SCP2: variants seen among roughly 807,000 people sequenced by gnomAD.
The protein encoded by SCP2 is sterol carrier protein 2.
SCP2 carries 48 observed loss-of-function variants against 71.4 expected under a neutral mutation model. The ratio of observed to expected loss-of-function variants is 0.67; its 90% CI spans 0.53 to 0.86. The LOEUF is 0.86. Ranked by LOEUF, SCP2 falls within the 40% of genes least tolerant of loss-of-function variation. SCP2 has a pLI of 0.00. For missense variants in SCP2, 560 were observed against 655.6 expected (o/e 0.85, Z 1.59); for synonymous variants, 220 against 218.1 (o/e 1.01, Z -0.08).
chr1:52,942,348 T>TG (rs1654331457), intron 2 of SCP2, among the ~76,000 whole-genome samples: 1 of 152,202 alleles, frequency 6.6e-6, no homozygotes, highest in Non-Finnish European at 1.5e-5. Flanking sequence ...TTTATTATAA[T>TG]GAGTATTAGT....
At chr1:52,961,066 CTTTT>C (rs774047289) in intron 5 of SCP2, among the ~76,000 whole-genome samples, 1 of 92,194 alleles carries the variant, frequency 1.1e-5, no homozygotes, top group Non-Finnish European at 2.3e-5. Flanking sequence ...TCCTTTGGTT[CTTTT>C]TTTTTTTTTT....
Position 53,015,006 on chromosome 1 carries a change from G to C in SCP2, c.1198G>C (p.Val400Leu). The change falls in exon 12 of 16, where the codon GTA becomes CTA. Residue 400 changes from valine to leucine, a missense_variant. Physicochemically the swap from Val to Leu is conservative, Grantham distance 32. Coordinates refer to ENST00000371514, the MANE Select transcript of SCP2 (RefSeq NM_002979.5). Reference protein sequence around the residue: ...HNLGIGGAVVVTLYKMGFPEA... With the variant: ...HNLGIGGAVVLTLYKMGFPEA... ...TTTAGGCATTGGAGGAGCTGTGGTTGTAACACTCTACAAGATGGGTTTTCC... is the reference window on the plus strand; with the variant it reads ...TTTAGGCATTGGAGGAGCTGTGGTTCTAACACTCTACAAGATGGGTTTTCC... 1 of 1,614,142 alleles carries C rather than the reference G, an allele frequency of 6.2e-7. No homozygotes were observed. The highest frequency in any genetic ancestry group is 1.7e-5 in the Admixed American group (1 of 60,012).
At position 52,974,289 on chromosome 1, in the gene SCP2, G is replaced by A. The variant is rs527280154; in HGVS notation, c.524-480G>A. 2.6e-5 allele frequency among the ~76,000 whole-genome samples: 4 copies of A among 152,088 alleles called. No homozygotes were observed. In the East Asian group the frequency reaches 7.7e-4, roughly 29 times the overall value. On this transcript the variant is annotated intron_variant, in intron 6 of 15. Transcript: ENST00000371514. ...AATTTTCTGTTAAGGAATTTAAAAG[G>A]CATACATATTTCTTATCAGGATATA...
At chr1:53,047,373 G>A (rs912526091) in intron 14 of SCP2, among the ~76,000 whole-genome samples, 19 of 152,192 alleles carry the variant, frequency 1.2e-4, no homozygotes, top group Admixed American at 7.9e-4. Flanking sequence ...TGGAAGGAAG[G>A]GGATGTACAC....
rs867178628 is a variant in SCP2, at chr1:53,005,161, G to A, written c.1082-9729G>A. On this transcript the variant is annotated intron_variant, in intron 11 of 15. Coordinates refer to ENST00000371514, the MANE Select transcript of SCP2 (RefSeq NM_002979.5). ...TGGGTGGAGCCCATCGCAGCTCAAC[G>A]AGGCCCGCCTGCCTCTGTAGACTCC... 9.2e-5 allele frequency among the ~76,000 whole-genome samples: 14 copies of A among 152,268 alleles called. No homozygotes were observed. The South Asian group carries it at 1.2e-3, about 14-fold the overall frequency.
chr1:53,010,337 A>T (rs995046711), intron 11 of SCP2, among the ~76,000 whole-genome samples: 1 of 152,228 alleles, frequency 6.6e-6, no homozygotes, highest in African/African-American at 2.4e-5. Flanking sequence ...ACGTATGTTT[A>T]TTGTGGCACT....
chr1:53,012,861 TTGAG>T lies in SCP2; in HGVS notation c.1082-2027_1082-2024del, dbSNP rs150704591. Among the ~76,000 whole-genome samples the T allele has an allele frequency of 6.4e-3, 977 of 152,328 alleles. 15 individuals carry two copies. Among genetic ancestry groups the T allele is most frequent in the African/African-American group, 0.022 (910 of 41,572 alleles). ...TATTTGATTTTTATCAATGGTGAGA[TTGAG>T]TATTTTCTCAAATAGTTGTAAATTG... is the stretch of plus-strand genomic sequence containing the variant. On this transcript the variant is annotated intron_variant, in intron 11 of 15. Coordinates refer to ENST00000371514, the MANE Select transcript of SCP2 (RefSeq NM_002979.5).
intron 13 of SCP2, among the ~76,000 whole-genome samples, chr1:53,037,444 A>G (rs1446726281): frequency 1.3e-5 from 2 of 151,894 alleles, no homozygotes; most frequent in African/African-American, 4.8e-5. Context: ...TCTGACTCCT[A>G]TCTCTATATC....
intron 12 of SCP2, among the ~76,000 whole-genome samples, chr1:53,025,592 T>C (rs758842461): frequency 1.9e-4 from 29 of 152,130 alleles, no homozygotes; most frequent in Non-Finnish European, 3.2e-4. Context: ...ATCCTTGCCC[T>C]TTCCTCTTTG....
chr1:52,999,650 T>C lies in SCP2; in HGVS notation c.1081+11514T>C, dbSNP rs117136930. On this transcript the variant is annotated intron_variant, in intron 11 of 15. Transcript: ENST00000371514. Reference sequence around the variant, plus strand: ...TTGTTAGTTTAAAAACATTAATTCCTTTTAGATTTCCATTCAGGAAAATTA... The same window carrying C: ...TTGTTAGTTTAAAAACATTAATTCCCTTTAGATTTCCATTCAGGAAAATTA... Among the ~76,000 whole-genome samples, 103 of 152,270 alleles carry C rather than the reference T, an allele frequency of 6.8e-4. 2 individuals carry two copies. The East Asian group carries it at 0.016, about 23-fold the overall frequency.
At chr1:53,029,404 C>T (rs1171172435) in intron 13 of SCP2, among the ~76,000 whole-genome samples, 1 of 151,984 alleles carries the variant, frequency 6.6e-6, no homozygotes, top group Admixed American at 6.6e-5. Context: ...GTTGGGATTA[C>T]AGGCGTGAGC....
At chr1:52,995,430 T>G in intron 11 of SCP2, 1 of 449,608 alleles carries the variant, frequency 2.2e-6, no homozygotes, top group Non-Finnish European at 4.5e-6. Flanking sequence ...TTACCACCTG[T>G]CTCCACTTCC....
At chr1:52,989,540 A>G (rs1659286524) in intron 11 of SCP2, among the ~76,000 whole-genome samples, 1 of 152,226 alleles carries the variant, frequency 6.6e-6, no homozygotes, top group Non-Finnish European at 1.5e-5. Context: ...GCACTGAGCA[A>G]GTCAGAACAG....
rs148379481 is a variant in SCP2, at chr1:53,019,184, A to G, written c.1235+4141A>G. On this transcript the variant is annotated intron_variant, in intron 12 of 15. Coordinates refer to ENST00000371514, the MANE Select transcript of SCP2 (RefSeq NM_002979.5). ...TTAATCACTTAATGTGGCATCTACC[A>G]TGTTTTCCTCTGAAAAGTTGCTGTT... Among the ~76,000 whole-genome samples the G allele has an allele frequency of 6.2e-3, 951 of 152,338 alleles. 16 individuals carry two copies. Among genetic ancestry groups the G allele is most frequent in the African/African-American group, 0.022 (914 of 41,578 alleles).
intron 13 of SCP2, among the ~76,000 whole-genome samples, chr1:53,037,983 A>T: frequency 7.1e-6 from 1 of 139,966 alleles, no homozygotes; most frequent in South Asian, 2.3e-4. Context: ...ACACACACAC[A>T]CACACATTCA....
At position 52,974,821 on chromosome 1, in the gene SCP2, A is replaced by G. The variant is rs1303043023; in HGVS notation, c.576A>G (p.Ser192=). 3.4e-6 allele frequency: 5 copies of G among 1,486,532 alleles called. No individual in the cohort carries two copies. Among genetic ancestry groups the G allele is most frequent in the South Asian group, 2.3e-5 (2 of 88,440 alleles). 92.1% of individuals were successfully genotyped at this position (1,486,532 alleles called of 1,614,324 possible). A position where few individuals can be genotyped will look rare whatever the true frequency, so the allele number is the denominator to read the frequency against. ...TTGGATGGAAAAATCATAAACATTC[A>G]GTTAATAACCCGTAAGTATTTCAGA... ...AKIGWKNHKH[S]VNNPYSQFQD... Residue 192 remains serine (S), a synonymous_variant, in exon 7 of 16, where the codon TCA becomes TCG. Coordinates refer to ENST00000371514, the MANE Select transcript of SCP2 (RefSeq NM_002979.5).
chr1:53,037,014 G>A (rs776529380), intron 13 of SCP2, among the ~76,000 whole-genome samples: 19 of 152,008 alleles, frequency 1.2e-4, no homozygotes, highest in Non-Finnish European at 2.4e-4. Context: ...GGCGTGTGCT[G>A]TAGTCCCAGC....
At chr1:52,941,669 A>T in intron 1 of SCP2, 127 bp from the exon 2 acceptor site, 1 of 570,140 alleles carries the variant, frequency 1.8e-6, no homozygotes, top group Non-Finnish European at 3.3e-6. Flanking sequence ...CAGGAGGCAG[A>T]GGTTGCAGTG....
At chr1:52,986,813 C>A (rs965582319) in intron 10 of SCP2, among the ~76,000 whole-genome samples, 2 of 151,682 alleles carry the variant, frequency 1.3e-5, no homozygotes, top group African/African-American at 4.8e-5. Context: ...TCCATGGAAG[C>A]TGCTTATATA....
Sources: allele counts gnomAD v4.1 joint callset (sites outside exome capture counted in the v4.1 genomes callset), GRCh38; gene constraint gnomAD v4.1.1; transcripts MANE v1.5; gene names NCBI Gene and HGNC (gene_info 2026-07-23, HGNC 2026-07-21).